CA10: variants seen among roughly 807,000 people sequenced by gnomAD.
CA10 encodes the protein carbonic anhydrase-related protein 10.
A neutral mutation model predicts 44.2 loss-of-function variants in CA10; 14 were observed. The observed-to-expected ratio is 0.32, with a 90% CI of 0.21 to 0.50. The LOEUF (loss-of-function observed/expected upper bound fraction) is 0.50. CA10 is among the 20% of genes least tolerant of loss of function. The probability of loss-of-function intolerance (pLI) is 0.99; values close to 1 mark genes in which losing one functional copy is unlikely to be tolerated. For synonymous variants in CA10, 159 were observed against 141.6 expected, an observed-to-expected ratio of 1.12 and a Z score of -0.87; for missense variants, 350 against 409.7, an observed-to-expected ratio of 0.85 and a Z score of 1.26.
At position 51,650,394 on chromosome 17, in the gene CA10, T is replaced by G. The variant is rs1204978553; in HGVS notation, c.562-1140A>C. Among the ~76,000 whole-genome samples, 8 of 152,210 alleles carry G rather than the reference T, an allele frequency of 5.3e-5. No individual in the cohort carries two copies. The East Asian group carries it at 1.5e-3, about 29-fold the overall frequency. The stretch of plus-strand genomic sequence containing the variant: ...TGGAAAAATTGCAGCAGATGATTAT[T>G]ATTATTAGATAAGCAACAGGTAATT... On this transcript the variant is annotated intron_variant, in intron 5 of 8. Transcript: ENST00000451037.
At chr17:52,066,265 C>T (rs56322042) in intron 2 of CA10, among the ~76,000 whole-genome samples, 75,041 of 151,926 alleles carry the variant, frequency 0.49, 19,278 homozygotes, top group African/African-American at 0.61. Context: ...TAGAAGAAGA[C>T]AGAAAGATGT....
At chr17:51,697,599 G>A (rs575278130) in intron 4 of CA10, among the ~76,000 whole-genome samples, 4 of 152,258 alleles carry the variant, frequency 2.6e-5, no homozygotes, top group East Asian at 1.9e-4. Flanking sequence ...TAGATGAGAC[G>A]TTGTATTTAT....
intron 3 of CA10, among the ~76,000 whole-genome samples, chr17:51,759,073 G>A (rs368106270): frequency 2.6e-5 from 4 of 152,096 alleles, no homozygotes; most frequent in African/African-American, 2.4e-5. Context: ...GTTAAAATTC[G>A]GCTTTAAACC....
At chr17:51,958,141 C>T (rs1396034602) in intron 2 of CA10, among the ~76,000 whole-genome samples, 1 of 151,814 alleles carries the variant, frequency 6.6e-6, no homozygotes, top group East Asian at 1.9e-4. Flanking sequence ...CATTAAATGA[C>T]GTATGTAGCT....
At chr17:52,092,871 T>A (rs971772930) in intron 1 of CA10, among the ~76,000 whole-genome samples, 3 of 152,300 alleles carry the variant, frequency 2.0e-5, no homozygotes, top group Admixed American at 6.5e-5. Flanking sequence ...TTGATTTCTA[T>A]CTATTCTCTG....
intron 4 of CA10, among the ~76,000 whole-genome samples, chr17:51,726,078 T>C (rs115521993): frequency 8.7e-4 from 132 of 152,286 alleles, no homozygotes; most frequent in African/African-American, 3.1e-3. Context: ...AGAAGTAGGA[T>C]TTGATAGGCA....
intron 2 of CA10, among the ~76,000 whole-genome samples, chr17:51,984,989 G>C (rs769644319): frequency 1.3e-5 from 2 of 151,938 alleles, no homozygotes; most frequent in Non-Finnish European, 2.9e-5. Flanking sequence ...GACAGAGAAA[G>C]AAGGAAATCT....
intron 4 of CA10, among the ~76,000 whole-genome samples, chr17:51,705,441 C>G (rs1387922175): frequency 1.3e-5 from 2 of 152,156 alleles, no homozygotes; most frequent in Non-Finnish European, 2.9e-5. Context: ...GGAGAAGGAA[C>G]TGGGTCTAGT....
At chr17:51,917,444 A>C (rs982519770) in intron 3 of CA10, among the ~76,000 whole-genome samples, 4 of 121,210 alleles carry the variant, frequency 3.3e-5, no homozygotes, top group Non-Finnish European at 6.0e-5. Context: ...GTGTATGTTA[A>C]GCTGTTCTTG....
chr17:51,662,324 C>T (rs1049798591), intron 4 of CA10, among the ~76,000 whole-genome samples: 2 of 152,144 alleles, frequency 1.3e-5, no homozygotes, highest in African/African-American at 4.8e-5. Context: ...ATTCCATAGC[C>T]TAAAACAGCT....
intron 2 of CA10, among the ~76,000 whole-genome samples, chr17:52,050,156 A>G (rs112762032): frequency 6.6e-6 from 1 of 152,154 alleles, no homozygotes; most frequent in Non-Finnish European, 1.5e-5. Flanking sequence ...TCCCCACCCC[A>G]AACCTGAATC....
intron 2 of CA10, among the ~76,000 whole-genome samples, chr17:52,040,136 C>CTT: frequency 8.7e-6 from 1 of 114,302 alleles, no homozygotes; most frequent in Non-Finnish European, 1.8e-5. Context: ...TTTTTCCTTT[C>CTT]TTTTTTTTCT....
intron 1 of CA10, among the ~76,000 whole-genome samples, chr17:52,144,855 C>G (rs1028522956): frequency 3.9e-5 from 6 of 152,296 alleles, no homozygotes; most frequent in African/African-American, 1.4e-4. Context: ...ATGCCAAACA[C>G]CAGGCTCCAT....
At chr17:51,989,900 T>C (rs1041263852) in intron 2 of CA10, among the ~76,000 whole-genome samples, 1 of 152,132 alleles carries the variant, frequency 6.6e-6, no homozygotes, top group Non-Finnish European at 1.5e-5. Context: ...TGCTGGTTAC[T>C]GCGTGCTAAT....
intron 3 of CA10, among the ~76,000 whole-genome samples, chr17:51,812,892 C>T (rs1389982666): frequency 6.6e-6 from 1 of 152,198 alleles, no homozygotes; most frequent in East Asian, 1.9e-4. Context: ...AGGGGACCTG[C>T]TTAACCATCT....
chr17:51,945,039 G>C (rs1983222537), intron 2 of CA10, among the ~76,000 whole-genome samples: 1 of 152,278 alleles, frequency 6.6e-6, no homozygotes, highest in East Asian at 1.9e-4. Flanking sequence ...AGGAGAGAAA[G>C]GGCAGTCACA....
At chr17:52,046,873 G>C (rs1278923850) in intron 2 of CA10, among the ~76,000 whole-genome samples, 1 of 151,714 alleles carries the variant, frequency 6.6e-6, no homozygotes, top group African/African-American at 2.4e-5. Flanking sequence ...ATAAAAGGTT[G>C]GTCCAACATT....
intron 1 of CA10, among the ~76,000 whole-genome samples, chr17:52,119,283 TA>T (rs1482877824): frequency 1.5e-5 from 2 of 134,580 alleles, no homozygotes; most frequent in African/African-American, 5.2e-5. Flanking sequence ...GTCAGTGCAA[TA>T]AGAATCCATT....
intron 3 of CA10, chr17:51,748,541 CTG>C: frequency 3.4e-6 from 2 of 594,514 alleles, no homozygotes; most frequent in Non-Finnish European, 3.9e-6. Context: ...ATTTTCCTGA[CTG>C]TGACCTCAAC....
Sources: allele counts gnomAD v4.1 joint callset (sites outside exome capture counted in the v4.1 genomes callset), GRCh38; gene constraint gnomAD v4.1.1; transcripts MANE v1.5; gene names NCBI Gene and HGNC (gene_info 2026-07-23, HGNC 2026-07-21).